OPCML: variants seen among roughly 807,000 people sequenced by gnomAD.
OPCML encodes the protein opioid binding protein/cell adhesion molecule like.
Under a neutral mutation model 37.8 loss-of-function variants are expected in OPCML, and 13 were observed. The observed-to-expected ratio is 0.34, with a 90% confidence interval of 0.22 to 0.55. OPCML has a LOEUF of 0.55. Among genes scored for constraint, OPCML ranks in the 20% least tolerant of loss-of-function variants. The pLI, the probability that OPCML is intolerant of heterozygous loss-of-function variation, is 0.91. For synonymous variants in OPCML, 176 were observed against 168.8 expected (o/e 1.04, Z -0.33); for missense variants, 341 against 435.6 (o/e 0.78, Z 1.93).
chr11:132,449,142 A>G (rs1258768891), intron 4 of OPCML, among the ~76,000 whole-genome samples: 1 of 152,202 alleles, frequency 6.6e-6, no homozygotes, highest in Non-Finnish European at 1.5e-5. Context: ...ACACACAAAA[A>G]TAGAGACACC....
intron 1 of OPCML, chr11:133,422,270 G>A (rs888622104): frequency 2.0e-6 from 2 of 984,404 alleles, no homozygotes; most frequent in Non-Finnish European, 2.4e-6. Flanking sequence ...AGTGTGTCGT[G>A]GGACTCACCA....
Position 133,120,804 on chromosome 11 carries a change from G to C in OPCML, c.62-177794C>G, listed in dbSNP as rs538759913. On this transcript the variant is annotated intron_variant, in intron 1 of 7. Coordinates refer to ENST00000524381, the MANE Select transcript of OPCML (RefSeq NM_001012393.5). ...TACATCTCAGAAGTTTTCCCAGCTGGTGAGAGATGATCTGTTTTCAGGACC... is the reference window on the plus strand; with the variant it reads ...TACATCTCAGAAGTTTTCCCAGCTGCTGAGAGATGATCTGTTTTCAGGACC... Among the ~76,000 whole-genome samples, 176 of 152,298 alleles carry C rather than the reference G, an allele frequency of 1.2e-3. 1 individual carries two copies. The highest frequency in any genetic ancestry group is 2.1e-3 in the Non-Finnish European group (144 of 68,030).
intron 1 of OPCML, among the ~76,000 whole-genome samples, chr11:133,275,529 T>C (rs1392593331): frequency 1.3e-5 from 2 of 152,174 alleles, no homozygotes; most frequent in South Asian, 2.1e-4. Flanking sequence ...AGCATCATCA[T>C]GGGTCAGCAT....
At chr11:133,454,119 C>A (rs1195222249) in intron 1 of OPCML, among the ~76,000 whole-genome samples, 1 of 152,108 alleles carries the variant, frequency 6.6e-6, no homozygotes, top group Non-Finnish European at 1.5e-5. Flanking sequence ...TCAGAAGGAC[C>A]AAATTAAGTC....
rs539914046 is a variant in OPCML, at chr11:132,744,108, T to C, written c.147-86789A>G. ...CCCACAGTTAGTATTCACTATGTTT[T>C]AAAATATATTATGGCTCATGCAAAG... On this transcript the variant is annotated intron_variant, in intron 2 of 7. Transcript: ENST00000524381. Among the ~76,000 whole-genome samples, 11 of 152,318 alleles carry C rather than the reference T, an allele frequency of 7.2e-5. No homozygotes were observed. In the East Asian group the frequency reaches 2.1e-3, roughly 29 times the overall value.
intron 4 of OPCML, among the ~76,000 whole-genome samples, chr11:132,495,894 CAAAA>C (rs202115452): frequency 4.0e-5 from 4 of 100,054 alleles, no homozygotes; most frequent in Non-Finnish European, 6.8e-5. Flanking sequence ...GACTCCATCT[CAAAA>C]AAAAAAAAAA....
At chr11:133,303,008 T>C (rs1186124039) in intron 1 of OPCML, among the ~76,000 whole-genome samples, 2 of 152,206 alleles carry the variant, frequency 1.3e-5, no homozygotes, top group Non-Finnish European at 2.9e-5. Flanking sequence ...CTAACACTCT[T>C]CACGAACTAA....
intron 1 of OPCML, among the ~76,000 whole-genome samples, chr11:133,016,484 C>G (rs1004061828): frequency 6.6e-6 from 1 of 152,202 alleles, no homozygotes; most frequent in Non-Finnish European, 1.5e-5. Context: ...ATGTCCCTTT[C>G]TGTCATCAGC....
chr11:132,544,757 G>A (rs2137392173), intron 3 of OPCML, among the ~76,000 whole-genome samples: 1 of 152,254 alleles, frequency 6.6e-6, no homozygotes, highest in Non-Finnish European at 1.5e-5. Flanking sequence ...TCCAGGGTCA[G>A]TGAAGGAGGA....
chr11:132,515,872 A>C (rs1455133041), intron 4 of OPCML, among the ~76,000 whole-genome samples: 2 of 152,206 alleles, frequency 1.3e-5, no homozygotes, highest in Non-Finnish European at 2.9e-5. Flanking sequence ...GAAAGCAGGA[A>C]GAAAAGAGCC....
intron 2 of OPCML, among the ~76,000 whole-genome samples, chr11:132,906,973 C>G (rs191621376): frequency 2.0e-5 from 3 of 152,198 alleles, no homozygotes; most frequent in Admixed American, 2.0e-4. Flanking sequence ...CGACAGCTCT[C>G]TACCTGACAA....
At position 133,246,026 on chromosome 11, in the gene OPCML, T is replaced by G. The variant is rs1232437581; in HGVS notation, c.61+286238A>C. ...GACAATGCATGTGGGGCTTAAAACC[T>G]AGATAATGGGTTGATAGGTGCAGCA... On this transcript the variant is annotated intron_variant, in intron 1 of 7. Transcript: ENST00000524381. 2.0e-5 allele frequency among the ~76,000 whole-genome samples: 3 copies of G among 149,900 alleles called. 1 individual carries two copies. Among genetic ancestry groups the G allele is most frequent in the Middle Eastern group, 6.8e-3 (2 of 292 alleles).
Position 133,411,276 on chromosome 11 carries a change from T to G in OPCML, c.61+120988A>C, listed in dbSNP as rs575719401. ...GGGGGGTACAGGCTTAAACTTGGAT[T>G]TAATACGATTTAATTTTTCTTAAGT... On this transcript the variant is annotated intron_variant, in intron 1 of 7. Coordinates refer to ENST00000524381, the MANE Select transcript of OPCML (RefSeq NM_001012393.5). 1.2e-4 allele frequency among the ~76,000 whole-genome samples: 19 copies of G among 152,312 alleles called. No homozygotes were observed. In the South Asian group the frequency reaches 3.7e-3, roughly 30 times the overall value.
intron 1 of OPCML, among the ~76,000 whole-genome samples, chr11:133,200,218 C>T (rs1021208521): frequency 6.6e-6 from 1 of 152,162 alleles, no homozygotes; most frequent in Admixed American, 6.5e-5. Context: ...AGACCTCTCT[C>T]CTTGGAGTGT....
At chr11:133,140,916 A>C (rs868484240) in intron 1 of OPCML, among the ~76,000 whole-genome samples, 676 of 16,214 alleles carry the variant, frequency 0.042, 214 homozygotes, top group East Asian at 0.41. Context: ...ACGAAGAAGA[A>C]GAAGACGACG....
intron 1 of OPCML, among the ~76,000 whole-genome samples, chr11:133,309,325 G>T (rs78691964): frequency 3.7e-4 from 56 of 152,244 alleles, no homozygotes; most frequent in African/African-American, 1.3e-3. Flanking sequence ...GATCTCTTTC[G>T]TGTCCTTCCC....
chr11:133,321,895 T>G (rs1444571309), intron 1 of OPCML, among the ~76,000 whole-genome samples: 1 of 152,044 alleles, frequency 6.6e-6, no homozygotes, highest in Non-Finnish European at 1.5e-5. Flanking sequence ...TGTATTTGAC[T>G]GCAAACCTCA....
intron 3 of OPCML, among the ~76,000 whole-genome samples, chr11:132,632,516 A>G (rs899074913): frequency 3.3e-5 from 5 of 152,088 alleles, no homozygotes; most frequent in Admixed American, 1.3e-4. Context: ...AGGGACTTCA[A>G]GTGATGTCTG....
At chr11:133,490,243 A>G (rs919262327) in intron 1 of OPCML, among the ~76,000 whole-genome samples, 2 of 152,214 alleles carry the variant, frequency 1.3e-5, no homozygotes, top group Non-Finnish European at 2.9e-5. Context: ...TGTAATTCTC[A>G]ACAGGAACCC....
Sources: allele counts gnomAD v4.1 joint callset (sites outside exome capture counted in the v4.1 genomes callset), GRCh38; gene constraint gnomAD v4.1.1; transcripts MANE v1.5; gene names NCBI Gene and HGNC (gene_info 2026-07-23, HGNC 2026-07-21).